SLC9B1: variants seen among roughly 807,000 people sequenced by gnomAD.
SLC9B1 encodes the protein solute carrier family 9 member B1, also known as sodium/hydrogen exchanger 9B1.
A neutral mutation model predicts 51.7 loss-of-function variants in SLC9B1; 32 were observed. The ratio of observed to expected loss-of-function variants is 0.62; its 90% CI spans 0.47 to 0.83. The LOEUF is 0.83. SLC9B1 is among the 40% of genes least tolerant of loss of function. SLC9B1 has a pLI of 0.00. For missense variants in SLC9B1, 406 were observed against 613.2 expected (o/e 0.66, Z 3.57); for synonymous variants, 145 against 212.7 (o/e 0.68, Z 2.77).
intron 1 of SLC9B1, chr4:103,017,050 C>T (rs1741403410): frequency 6.6e-6 from 1 of 152,150 alleles, no homozygotes; most frequent in African/African-American, 2.4e-5. Flanking sequence ...CTGGCTGCTC[C>T]TTTTTCTTCC....
chr4:102,908,258 G>T (rs1454131126), intron 9 of SLC9B1, among the ~76,000 whole-genome samples: 1 of 152,266 alleles, frequency 6.6e-6, no homozygotes, highest in Non-Finnish European at 1.5e-5. Flanking sequence ...TTAATGAATT[G>T]GTCAATAAAT....
intron 6 of SLC9B1, among the ~76,000 whole-genome samples, chr4:102,936,476 G>A (rs1203471275): frequency 6.6e-6 from 1 of 152,156 alleles, no homozygotes; most frequent in Non-Finnish European, 1.5e-5. Context: ...TCAGAAGAAA[G>A]TCAAAATCCA....
At chr4:102,996,771 C>G (rs1231024772) in intron 1 of SLC9B1, among the ~76,000 whole-genome samples, 1 of 151,886 alleles carries the variant, frequency 6.6e-6, no homozygotes, top group Non-Finnish European at 1.5e-5. Flanking sequence ...TATCCTTAGG[C>G]TAACATTATG....
At chr4:102,931,364 G>A (rs1038259750) in intron 7 of SLC9B1, among the ~76,000 whole-genome samples, 6 of 151,906 alleles carry the variant, frequency 3.9e-5, no homozygotes, top group Non-Finnish European at 1.5e-5. Context: ...GGGAATATGG[G>A]TGGATTTATA....
chr4:102,899,477 G>A (rs887542673), downstream of SLC9B1, among the ~76,000 whole-genome samples: 39 of 151,444 alleles, frequency 2.6e-4, no homozygotes, highest in African/African-American at 8.2e-4. Context: ...GCAGTGGTGC[G>A]ATCTCAGCTC....
At chr4:102,983,665 A>C (rs12500379) in intron 3 of SLC9B1, among the ~76,000 whole-genome samples, 89,506 of 151,902 alleles carry the variant, frequency 0.59, 28,051 homozygotes, top group African/African-American at 0.82. Context: ...AATTTGTGGG[A>C]ATAAAGTTGT....
Position 102,932,256 on chromosome 4 carries a change from T to C in SLC9B1, c.697A>G (p.Met233Val), listed in dbSNP as rs752285169. Residue 233 changes from methionine (M) to valine (V), a missense_variant, in exon 7 of 12, where the codon ATG becomes GTG. Physicochemically the swap from Met to Val is conservative, Grantham distance 21 (BLOSUM62 1). Coordinates refer to ENST00000296422, the MANE Select transcript of SLC9B1 (RefSeq NM_139173.4). Reference protein sequence around the residue: ...AVSPAVVVPYMMVLQENGYGV... With the variant: ...AVSPAVVVPYVMVLQENGYGV... ...TATCCATTTTCTTGCAGCACCATCA[T>C]GTAAGGGACAACAACAGCAGGAGAG... 2 of 1,611,872 alleles carry C rather than the reference T, an allele frequency of 1.2e-6. No individual in the cohort carries two copies. The highest frequency in any genetic ancestry group is 2.2e-5 in the South Asian group (2 of 90,988).
At chr4:102,932,886 T>G (rs12501737) in intron 6 of SLC9B1, among the ~76,000 whole-genome samples, 82,080 of 151,334 alleles carry the variant, frequency 0.54, 22,730 homozygotes, top group African/African-American at 0.67. Context: ...AATAAGTAAG[T>G]AAGGAAGGAA....
At chr4:102,945,974 A>ATTGTAAAATACTAT (rs1737246804) in intron 5 of SLC9B1, among the ~76,000 whole-genome samples, 1 of 152,160 alleles carries the variant, frequency 6.6e-6, no homozygotes, top group Non-Finnish European at 1.5e-5. Flanking sequence ...TTTTACAATA[A>ATTGTAAAATACTAT]TGCAAAGATA....
downstream of SLC9B1, chr4:102,898,159 G>T: frequency 5.8e-6 from 3 of 518,368 alleles, no homozygotes; most frequent in Admixed American, 2.0e-5. Context: ...GTTGACAAAG[G>T]TATAGCTGTA....
chr4:102,943,148 T>C (rs531478448), intron 6 of SLC9B1, among the ~76,000 whole-genome samples: 1 of 136,574 alleles, frequency 7.3e-6, no homozygotes, highest in Non-Finnish European at 1.5e-5. Flanking sequence ...CCTCCAAGAA[T>C]AGCCATAATC....
intron 9 of SLC9B1, among the ~76,000 whole-genome samples, chr4:102,907,790 T>C (rs1735126782): frequency 1.4e-5 from 2 of 147,102 alleles, no homozygotes; most frequent in East Asian, 1.9e-4. Context: ...TCCCCACTTA[T>C]TATAGTTTAA....
intron 3 of SLC9B1, among the ~76,000 whole-genome samples, chr4:102,955,822 A>T (rs1737756527): frequency 6.7e-6 from 1 of 149,554 alleles, no homozygotes; most frequent in Admixed American, 6.8e-5. Context: ...CAACAAACAA[A>T]GTGGAAGAAA....
At chr4:103,006,604 A>G (rs926570912) in intron 1 of SLC9B1, among the ~76,000 whole-genome samples, 1 of 152,200 alleles carries the variant, frequency 6.6e-6, no homozygotes, top group African/African-American at 2.4e-5. Context: ...AAAATATTCC[A>G]AAAAATTGAA....
intron 1 of SLC9B1, among the ~76,000 whole-genome samples, chr4:102,993,812 C>T (rs1447360910): frequency 6.6e-6 from 1 of 152,220 alleles, no homozygotes; most frequent in East Asian, 1.9e-4. Flanking sequence ...ACCTGTCGGC[C>T]TAACACCACG....
chr4:102,949,821 C>T (rs371274105), intron 3 of SLC9B1, among the ~76,000 whole-genome samples: 102 of 151,892 alleles, frequency 6.7e-4, no homozygotes, highest in Non-Finnish European at 1.2e-3. Flanking sequence ...ATTAGCCAGG[C>T]GTGGTGGTGC....
At chr4:103,002,234 T>G (rs1740562382) in intron 1 of SLC9B1, among the ~76,000 whole-genome samples, 1 of 152,210 alleles carries the variant, frequency 6.6e-6, no homozygotes, top group Admixed American at 6.5e-5. Flanking sequence ...CCTAACTTGG[T>G]TTATTTCTAC....
At chr4:102,927,468 G>T (rs1164652823) in intron 7 of SLC9B1, among the ~76,000 whole-genome samples, 1 of 152,168 alleles carries the variant, frequency 6.6e-6, no homozygotes, top group African/African-American at 2.4e-5. Context: ...ACAGACACAT[G>T]AAAAAATGCT....
downstream of SLC9B1, among the ~76,000 whole-genome samples, chr4:102,896,353 T>C (rs999623453): frequency 2.6e-5 from 4 of 152,160 alleles, no homozygotes; most frequent in African/African-American, 7.2e-5. Context: ...TTCTGTCACA[T>C]CTTTTTCTAT....
Sources: allele counts gnomAD v4.1 joint callset (sites outside exome capture counted in the v4.1 genomes callset), GRCh38; gene constraint gnomAD v4.1.1; transcripts MANE v1.5; gene names NCBI Gene and HGNC (gene_info 2026-07-23, HGNC 2026-07-21).